TMEM163: variants seen among roughly 807,000 people sequenced by gnomAD.
TMEM163 encodes transmembrane protein 163.
TMEM163 carries 17 observed loss-of-function variants against 29.3 expected under a neutral mutation model. The ratio of observed to expected loss-of-function variants is 0.58; its 90% CI spans 0.40 to 0.87. The LOEUF (loss-of-function observed/expected upper bound fraction) is 0.87, where lower values mean the gene tolerates loss of function less well. Among genes scored for constraint, TMEM163 ranks in the 40% least tolerant of loss-of-function variants. The probability of loss-of-function intolerance (pLI) is 0.00; values close to 1 mark genes in which losing one functional copy is unlikely to be tolerated. For synonymous variants in TMEM163, 157 were observed against 160.6 expected (o/e 0.98, Z 0.17); for missense variants, 303 against 381.5 (o/e 0.79, Z 1.71).
At chr2:134,461,995 A>G (rs1686551053) in intron 6 of TMEM163, among the ~76,000 whole-genome samples, 3 of 152,162 alleles carry the variant, frequency 2.0e-5, no homozygotes. Context: ...CTGCTAATCA[A>G]TGAATGTAAG....
intron 4 of TMEM163, among the ~76,000 whole-genome samples, chr2:134,524,368 C>T (rs1235959486): frequency 7.4e-6 from 1 of 134,398 alleles, no homozygotes; most frequent in East Asian, 2.7e-4. Context: ...TAATTGAGAG[C>T]TTGGGTTTTT....
chr2:134,559,649 C>T (rs1681123238), intron 2 of TMEM163, among the ~76,000 whole-genome samples: 2 of 152,150 alleles, frequency 1.3e-5, no homozygotes, highest in Admixed American at 6.5e-5. Flanking sequence ...GGGTCTCTCT[C>T]ACATGACGAA....
chr2:134,464,893 C>T (rs1686628449), intron 6 of TMEM163, among the ~76,000 whole-genome samples: 1 of 152,120 alleles, frequency 6.6e-6, no homozygotes, highest in South Asian at 2.1e-4. Context: ...AGCTCTGCAC[C>T]CAGCAGGTCA....
intron 4 of TMEM163, among the ~76,000 whole-genome samples, chr2:134,527,828 A>G (rs1680330517): frequency 6.6e-6 from 1 of 152,210 alleles, no homozygotes; most frequent in Non-Finnish European, 1.5e-5. Flanking sequence ...AGCCAAAGAC[A>G]CAATCAAAAG....
At chr2:134,501,821 C>G (rs144755594) in intron 5 of TMEM163, among the ~76,000 whole-genome samples, 1 of 152,276 alleles carries the variant, frequency 6.6e-6, no homozygotes, top group East Asian at 1.9e-4. Flanking sequence ...AGGTACATTC[C>G]TATCCCCATA....
chr2:134,507,535 GC>G (rs1430003447), intron 4 of TMEM163, among the ~76,000 whole-genome samples: 1 of 152,082 alleles, frequency 6.6e-6, no homozygotes, highest in Non-Finnish European at 1.5e-5. Context: ...GTTTTAATAA[GC>G]CCTTCAGGTG....
At chr2:134,612,202 G>A (rs1163163453) in intron 2 of TMEM163, among the ~76,000 whole-genome samples, 1 of 152,186 alleles carries the variant, frequency 6.6e-6, no homozygotes, top group African/African-American at 2.4e-5. Context: ...TGGGCTTAGA[G>A]ATCACCCTGC....
Position 134,587,229 on chromosome 2 carries a change from G to A in TMEM163, c.323-35138C>T, listed in dbSNP as rs182619116. Reference sequence around the variant, plus strand: ...AGTTCGAGACCAACCTGGCCAACATGGTGAGGCCCCGCTTCTACTAAAAAT... The same window carrying A: ...AGTTCGAGACCAACCTGGCCAACATAGTGAGGCCCCGCTTCTACTAAAAAT... On this transcript the variant is annotated intron_variant, in intron 2 of 7. Transcript: ENST00000281924. Among the ~76,000 whole-genome samples the A allele has an allele frequency of 3.1e-4, 47 of 152,240 alleles. No homozygotes were observed. In the South Asian group the frequency reaches 5.2e-3, roughly 17 times the overall value.
At chr2:134,565,499 G>A (rs1376311606) in intron 2 of TMEM163, among the ~76,000 whole-genome samples, 4 of 151,620 alleles carry the variant, frequency 2.6e-5, no homozygotes, top group Non-Finnish European at 4.4e-5. Flanking sequence ...CCAGCTACTC[G>A]GGAGGCTGAG....
At chr2:134,463,539 CT>C (rs1410352580) in intron 6 of TMEM163, among the ~76,000 whole-genome samples, 1 of 152,196 alleles carries the variant, frequency 6.6e-6, no homozygotes, top group Non-Finnish European at 1.5e-5. Flanking sequence ...GGCTATAATT[CT>C]ACGATGTCTC....
rs147727902 is a variant in TMEM163 at position 134,606,510 on chromosome 2, C to T, written c.323-54419G>A. Among the ~76,000 whole-genome samples, 92 of 152,326 alleles carry T rather than the reference C, an allele frequency of 6.0e-4. 2 individuals are homozygous for T. The East Asian group carries it at 0.012, about 20-fold the overall frequency. On this transcript the variant is annotated intron_variant, in intron 2 of 7. Coordinates refer to ENST00000281924, the MANE Select transcript of TMEM163 (RefSeq NM_030923.5). ...TCTCTCCTGGCCCACCCTGCAGAAT[C>T]ACTCTGCCCAAGGTGTTTCCAGAGC... is the stretch of plus-strand genomic sequence containing the variant.
At chr2:134,475,758 A>T (rs190743012) in intron 5 of TMEM163, among the ~76,000 whole-genome samples, 23 of 152,298 alleles carry the variant, frequency 1.5e-4, no homozygotes, top group African/African-American at 5.1e-4. Flanking sequence ...AACAGGGAAA[A>T]GTACATGGAA....
At chr2:134,533,710 G>A (rs928384964) in intron 4 of TMEM163, among the ~76,000 whole-genome samples, 7 of 152,032 alleles carry the variant, frequency 4.6e-5, no homozygotes, top group Non-Finnish European at 1.0e-4. Context: ...TAATGCACCC[G>A]TGGCCTCCTA....
chr2:134,533,685 C>G (rs1323117706), intron 4 of TMEM163, among the ~76,000 whole-genome samples: 1 of 152,140 alleles, frequency 6.6e-6, no homozygotes, highest in Non-Finnish European at 1.5e-5. Context: ...CAGATCACAT[C>G]ACCCCAAGGC....
chr2:134,466,023 C>T, intron 6 of TMEM163, 91 bp downstream of exon 6: 1 of 904,116 alleles, frequency 1.1e-6, no homozygotes. Flanking sequence ...TTGAGTTCTC[C>T]AGCAAGGGAA....
intron 2 of TMEM163, among the ~76,000 whole-genome samples, chr2:134,692,995 C>T (rs992438359): frequency 1.3e-5 from 2 of 152,142 alleles, no homozygotes; most frequent in Admixed American, 1.3e-4. Flanking sequence ...TTGCAGGTTT[C>T]CAACTGATCA....
chr2:134,710,940 G>A (rs1303074261), intron 2 of TMEM163, among the ~76,000 whole-genome samples: 3 of 152,156 alleles, frequency 2.0e-5, no homozygotes, highest in African/African-American at 7.2e-5. Flanking sequence ...TCACTGGTTT[G>A]GACAGAGATG....
intron 5 of TMEM163, among the ~76,000 whole-genome samples, chr2:134,484,228 GA>G (rs924032009): frequency 5.5e-4 from 83 of 149,596 alleles, no homozygotes; most frequent in Non-Finnish European, 7.1e-4. Flanking sequence ...ACGCGTGGAG[GA>G]AAAAAAAACA....
chr2:134,603,865 A>T (rs1000323528), intron 2 of TMEM163, among the ~76,000 whole-genome samples: 31 of 129,754 alleles, frequency 2.4e-4, no homozygotes, highest in Admixed American at 2.0e-3. Flanking sequence ...GGGAGGGAAC[A>T]GAAGGGAGGG....
Sources: allele counts gnomAD v4.1 joint callset (sites outside exome capture counted in the v4.1 genomes callset), GRCh38; gene constraint gnomAD v4.1.1; transcripts MANE v1.5; gene names NCBI Gene and HGNC (gene_info 2026-07-23, HGNC 2026-07-21).